The following RRAS2 variants were observed in gnomAD, a reference collection of about 807,000 sequenced individuals.
The protein encoded by RRAS2 is RAS related 2.
RRAS2 carries 7 observed loss-of-function variants against 27.6 expected under a neutral mutation model. That is an observed-to-expected ratio of 0.25 (90% CI 0.14 to 0.48). RRAS2 has a LOEUF of 0.48. Among genes scored for constraint, RRAS2 ranks in the 20% least tolerant of loss-of-function variants. RRAS2 has a pLI of 0.99. For missense variants in RRAS2, 178 were observed against 256.2 expected (o/e 0.69, Z 2.08); for synonymous variants, 86 against 90.9 (o/e 0.95, Z 0.31).
chr11:14,359,658 A>G (rs1484374056), upstream of RRAS2, among the ~76,000 whole-genome samples: 1 of 152,212 alleles, frequency 6.6e-6, no homozygotes, highest in Non-Finnish European at 1.5e-5. Flanking sequence ...CATGGAGAAT[A>G]AGTCAGTGAT....
At chr11:14,280,746 A>G (rs1228969016) in intron 5 of RRAS2, among the ~76,000 whole-genome samples, 1 of 149,564 alleles carries the variant, frequency 6.7e-6, no homozygotes, top group Non-Finnish European at 1.5e-5. Flanking sequence ...AAAAAAAAAA[A>G]AAAAAAAAAA....
At chr11:14,302,053 G>A (rs1554947475) in intron 1 of RRAS2, among the ~76,000 whole-genome samples, 1 of 102,700 alleles carries the variant, frequency 9.7e-6, no homozygotes, top group African/African-American at 3.3e-5. Context: ...ATAAAACAAG[G>A]AGTAAATGTA....
chr11:14,277,925 T>C lies in RRAS2; in HGVS notation c.*1412A>G, dbSNP rs1849421206. The C allele has an allele frequency of 2.0e-5, 3 of 152,216 alleles. No homozygotes were observed. The highest frequency in any genetic ancestry group is 1.3e-4 in the Admixed American group (2 of 15,274). 9.4% of individuals were successfully genotyped at this position (152,216 alleles called of 1,614,324 possible). On this transcript the variant is annotated 3_prime_UTR_variant, in exon 6 of 6. Coordinates refer to ENST00000256196, the MANE Select transcript of RRAS2 (RefSeq NM_012250.6). ...CAATGAGTAATCAAACATCATCTTG[T>C]GATAACAGATCAATTTTAATTCTAG...
upstream of RRAS2, among the ~76,000 whole-genome samples, chr11:14,359,763 T>C (rs1554956022): frequency 6.6e-6 from 1 of 152,116 alleles, no homozygotes. Context: ...TGTGCAGTAA[T>C]TGGATATGAG....
intron 1 of RRAS2, among the ~76,000 whole-genome samples, chr11:14,326,517 CATAAA>C (rs1290232116): frequency 1.3e-5 from 2 of 152,110 alleles, no homozygotes; most frequent in Admixed American, 1.3e-4. Context: ...AATATACAAA[CATAAA>C]ATAAACAAGT....
At chr11:14,325,272 C>T (rs1554950852) in intron 1 of RRAS2, among the ~76,000 whole-genome samples, 1 of 151,770 alleles carries the variant, frequency 6.6e-6, no homozygotes, top group Non-Finnish European at 1.5e-5. Context: ...CTTACCTCAG[C>T]AAGAGTACTG....
At chr11:14,316,213 C>T (rs1848100893) in intron 1 of RRAS2, among the ~76,000 whole-genome samples, 1 of 152,074 alleles carries the variant, frequency 6.6e-6, no homozygotes, top group Admixed American at 6.6e-5. Flanking sequence ...AAAAGATGCT[C>T]AAAAAATAGC....
chr11:14,363,084 T>C (rs896582003), upstream of RRAS2, among the ~76,000 whole-genome samples: 3 of 152,248 alleles, frequency 2.0e-5, no homozygotes, highest in South Asian at 2.1e-4. Flanking sequence ...CTAACTCTTC[T>C]TGGAAAAATT....
intron 1 of RRAS2, among the ~76,000 whole-genome samples, chr11:14,333,184 C>T (rs373113128): frequency 6.6e-6 from 1 of 152,004 alleles, no homozygotes; most frequent in African/African-American, 2.4e-5. Flanking sequence ...TGCTTTAAGT[C>T]CACTAGAAAA....
At chr11:14,335,310 A>G (rs959886286) in intron 1 of RRAS2, among the ~76,000 whole-genome samples, 6 of 152,308 alleles carry the variant, frequency 3.9e-5, no homozygotes, top group Admixed American at 1.3e-4. Context: ...CTTACTTTAC[A>G]TTCCCAAATC....
chr11:14,294,844 T>G lies in RRAS2; in HGVS notation c.215A>C (p.Gln72Pro), dbSNP rs113954997. Residue 72 changes from glutamine (Q) to proline (P), a missense_variant, in exon 3 of 6, where the codon CAA becomes CCA. Physicochemically the swap from Gln to Pro is moderately conservative, Grantham distance 76. Transcript: ENST00000256196. ...ARLDILDTAG[Q>P]EEFGAMREQY... ...TTCTCTCATGGCTCCAAACTCTTCT[T>G]GTCCTGCTGTATCCAAAACTAAAGA... The G allele has an allele frequency of 6.2e-7, 1 of 1,613,698 alleles. No homozygotes were observed. Among genetic ancestry groups the G allele is most frequent in the Non-Finnish European group, 8.5e-7 (1 of 1,179,796 alleles).
Position 14,294,685 on chromosome 11 carries a change from AC to A in RRAS2, c.299+74del, listed in dbSNP as rs1177847554. On this transcript the variant is annotated intron_variant, in intron 3 of 5. Transcript: ENST00000256196. Reference sequence around the variant, plus strand: ...CTTTATTTTTCCTTTTTCTATAAAAACAAAAAGTCCAAACTCAATAAAGTCT... The same window carrying A: ...CTTTATTTTTCCTTTTTCTATAAAAAAAAAAGTCCAAACTCAATAAAGTCT... 3.9e-6 allele frequency: 6 copies of A among 1,525,600 alleles called. No homozygotes were observed. The Admixed American group carries it at 5.8e-5, about 15-fold the overall frequency. 94.5% of individuals were successfully genotyped at this position (1,525,600 alleles called of 1,614,324 possible).
intron 1 of RRAS2, among the ~76,000 whole-genome samples, chr11:14,345,591 C>T (rs1408535020): frequency 6.6e-6 from 1 of 152,154 alleles, no homozygotes; most frequent in Non-Finnish European, 1.5e-5. Context: ...TAATCCATAA[C>T]CTTCTTTTAA....
At chr11:14,311,922 T>C (rs1225643854) in intron 1 of RRAS2, among the ~76,000 whole-genome samples, 3 of 151,930 alleles carry the variant, frequency 2.0e-5, no homozygotes, top group African/African-American at 4.8e-5. Flanking sequence ...TGGAGTGCAA[T>C]GGCTCAGTCT....
intron 1 of RRAS2, among the ~76,000 whole-genome samples, chr11:14,357,882 A>G (rs879960108): frequency 6.6e-6 from 1 of 152,210 alleles, no homozygotes; most frequent in Admixed American, 6.5e-5. Flanking sequence ...CCCAAAAAAG[A>G]CTACTCAAAC....
Position 14,319,562 on chromosome 11 carries a change from G to A in RRAS2, c.109-23707C>T, listed in dbSNP as rs535042669. Among the ~76,000 whole-genome samples the A allele has an allele frequency of 2.6e-5, 4 of 151,772 alleles. No individual in the cohort carries two copies. The South Asian group carries it at 8.4e-4, about 32-fold the overall frequency. On this transcript the variant is annotated intron_variant, in intron 1 of 5. Coordinates refer to ENST00000256196, the MANE Select transcript of RRAS2 (RefSeq NM_012250.6). ...TTTAGTAGAGACGGGGTTTCACCTTGTTAGCCAGGATGGTCTCGATCTCCT... is the reference window on the plus strand; with the variant it reads ...TTTAGTAGAGACGGGGTTTCACCTTATTAGCCAGGATGGTCTCGATCTCCT...
At chr11:14,336,885 G>A (rs1848598060) in intron 1 of RRAS2, 1 of 152,034 alleles carries the variant, frequency 6.6e-6, no homozygotes, top group African/African-American at 2.4e-5. Context: ...TCAAGAAGTT[G>A]AATAAACCCC....
chr11:14,348,972 TTTC>T (rs1267874825), intron 1 of RRAS2, among the ~76,000 whole-genome samples: 1 of 152,084 alleles, frequency 6.6e-6, no homozygotes, highest in Non-Finnish European at 1.5e-5. Flanking sequence ...TCTTTTTTTG[TTTC>T]TTGTTTTTGA....
intron 1 of RRAS2, among the ~76,000 whole-genome samples, chr11:14,313,492 A>G (rs1310642056): frequency 6.6e-6 from 1 of 152,238 alleles, no homozygotes; most frequent in African/African-American, 2.4e-5. Context: ...AGATATATCC[A>G]ACTCCTAATG....
Sources: gnomAD v4.1 joint callset for allele counts (sites outside exome capture counted in the v4.1 genomes callset) on GRCh38, gnomAD v4.1.1 for gene constraint, MANE v1.5 for transcripts, NCBI Gene and HGNC (gene_info 2026-07-23, HGNC 2026-07-21) for gene names.